Variants in ACBD6 observed in about 807,000 individuals in gnomAD.
ACBD6 encodes the protein acyl-CoA binding domain containing 6.
In ACBD6, 28 loss-of-function variants were observed where a neutral mutation model predicts 37.2. The observed-to-expected ratio is 0.75, with a 90% CI of 0.56 to 1.03. ACBD6 has a LOEUF of 1.03. ACBD6 is among the 50% of genes least tolerant of loss of function. The probability of loss-of-function intolerance (pLI) is 0.00; values close to 1 mark genes in which losing one functional copy is unlikely to be tolerated. For synonymous variants in ACBD6, 113 were observed against 126.8 expected (o/e 0.89, Z 0.73); for missense variants, 340 against 337.4 (o/e 1.01, Z -0.06).
intron 6 of ACBD6, among the ~76,000 whole-genome samples, chr1:180,379,009 C>G (rs1024017695): frequency 1.3e-5 from 2 of 152,164 alleles, no homozygotes; most frequent in Non-Finnish European, 2.9e-5. Context: ...GCCTACAAGT[C>G]AGCCTGCCTG....
chr1:180,274,120 G>A, intron 10 of ACBD6: 5 of 1,596,162 alleles, frequency 3.1e-6, no homozygotes, highest in Non-Finnish European at 4.3e-6. Context: ...TTCCTAGGTT[G>A]TGAAGAGCAG....
chr1:180,495,748 T>C (rs2102097695), intron 1 of ACBD6, among the ~76,000 whole-genome samples: 1 of 152,296 alleles, frequency 6.6e-6, no homozygotes, highest in East Asian at 1.9e-4. Context: ...AAAACAACTA[T>C]TATCTAATAC....
At chr1:180,424,957 G>C (rs1397747077) in intron 4 of ACBD6, among the ~76,000 whole-genome samples, 1 of 152,162 alleles carries the variant, frequency 6.6e-6, no homozygotes, top group Non-Finnish European at 1.5e-5. Flanking sequence ...TACTGTTTAT[G>C]TCAAGACCCA....
chr1:180,314,794 G>A, intron 6 of ACBD6, 72 bp from the exon 7 acceptor site: 1 of 1,189,880 alleles, frequency 8.4e-7, no homozygotes, highest in Non-Finnish European at 1.2e-6. Context: ...ATAAACTGTA[G>A]CAAATTTATC....
At chr1:180,377,189 A>G (rs559152582) in intron 6 of ACBD6, among the ~76,000 whole-genome samples, 3 of 152,350 alleles carry the variant, frequency 2.0e-5, no homozygotes, top group African/African-American at 7.2e-5. Context: ...AGGAAAGGCT[A>G]AACTAAACCC....
In ACBD6 at chr1:180,408,429, A is replaced by C. The variant is rs59378647; in HGVS notation, c.573+4937T>G. Among the ~76,000 whole-genome samples the C allele has an allele frequency of 6.7e-3, 1,015 of 152,266 alleles. 17 individuals are homozygous for C. The highest frequency in any genetic ancestry group is 0.023 in the African/African-American group (969 of 41,534). The stretch of plus-strand genomic sequence containing the variant: ...TAAACTATCGCAAAGACAAAAAATC[A>C]AACACTGCATGTTCTCACTCATAGG... On this transcript the variant is annotated intron_variant, in intron 5 of 7. Transcript: ENST00000367595.
chr1:180,374,594 A>G (rs1490311982), intron 6 of ACBD6, among the ~76,000 whole-genome samples: 1 of 85,126 alleles, frequency 1.2e-5, no homozygotes. Context: ...TGACCTGCCT[A>G]TTCTTAAGTG....
intron 1 of ACBD6, among the ~76,000 whole-genome samples, chr1:180,500,806 TGTG>T (rs907934332): frequency 1.1e-4 from 15 of 131,272 alleles, no homozygotes; most frequent in African/African-American, 4.1e-4. Context: ...GCCTGGGAAA[TGTG>T]GTGAAACCCA....
intron 4 of ACBD6, among the ~76,000 whole-genome samples, chr1:180,414,436 C>T (rs1647992389): frequency 6.6e-6 from 1 of 152,198 alleles, no homozygotes; most frequent in African/African-American, 2.4e-5. Context: ...CCAATCTAAA[C>T]ATCTTGTGTC....
In ACBD6 at chr1:180,435,211, C is replaced by T. The variant is rs180900044; in HGVS notation, c.385-4949G>A. 1.4e-4 allele frequency: 93 copies of T among 685,296 alleles called. No homozygotes were observed. In the African/African-American group the frequency reaches 1.4e-3, roughly 10 times the overall value. The allele number at this position is 685,296 out of a possible 1,614,324, so 42.5% of individuals were successfully genotyped here. A position where few individuals can be genotyped will look rare whatever the true frequency, so the allele number is the denominator to read the frequency against. On this transcript the variant is annotated intron_variant, in intron 3 of 7. Coordinates refer to ENST00000367595, the MANE Select transcript of ACBD6 (RefSeq NM_032360.4). Reference sequence around the variant, plus strand: ...ATCGCTGGCCTTTCCATCTGGGGTACTCTGGTGCTGGGTTACGAGGGCTGG... The same window carrying T: ...ATCGCTGGCCTTTCCATCTGGGGTATTCTGGTGCTGGGTTACGAGGGCTGG...
At chr1:180,372,670 T>TA (rs1653303193) in intron 6 of ACBD6, among the ~76,000 whole-genome samples, 4 of 152,142 alleles carry the variant, frequency 2.6e-5, no homozygotes, top group Non-Finnish European at 5.9e-5. Flanking sequence ...AATGCATCCT[T>TA]AGAGAATGTT....
At chr1:180,314,076 TAC>T (rs1324576423) in intron 7 of ACBD6, among the ~76,000 whole-genome samples, 1 of 152,188 alleles carries the variant, frequency 6.6e-6, no homozygotes, top group Non-Finnish European at 1.5e-5. Context: ...TGCTAGATTT[TAC>T]AGTGACCATG....
At chr1:180,305,839 C>G (rs1278969311) in intron 7 of ACBD6, among the ~76,000 whole-genome samples, 5 of 152,114 alleles carry the variant, frequency 3.3e-5, no homozygotes, top group African/African-American at 1.2e-4. Flanking sequence ...ATAGCAAAGA[C>G]TTGGAACCAA....
intron 6 of ACBD6, among the ~76,000 whole-genome samples, chr1:180,352,167 T>C (rs920132644): frequency 1.3e-5 from 2 of 152,142 alleles, no homozygotes; most frequent in African/African-American, 4.8e-5. Flanking sequence ...TATTGTTTAA[T>C]GAGCACAGAC....
intron 6 of ACBD6, among the ~76,000 whole-genome samples, chr1:180,318,971 T>C (rs1312877424): frequency 6.6e-6 from 1 of 152,230 alleles, no homozygotes; most frequent in Non-Finnish European, 1.5e-5. Context: ...TCTATGCATT[T>C]AAAGAGGTGC....
chr1:180,306,088 G>T (rs1416286849), intron 7 of ACBD6, among the ~76,000 whole-genome samples: 1 of 136,456 alleles, frequency 7.3e-6, no homozygotes, highest in African/African-American at 2.8e-5. Context: ...TCACACCCCG[G>T]GGACTGTTGT....
At chr1:180,320,144 T>C (rs773775131) in intron 6 of ACBD6, among the ~76,000 whole-genome samples, 81 of 152,190 alleles carry the variant, frequency 5.3e-4, no homozygotes, top group Non-Finnish European at 7.6e-4. Context: ...GTTCCCTTTT[T>C]TCCACATCTT....
At chr1:180,325,794 G>A (rs770645593) in intron 6 of ACBD6, among the ~76,000 whole-genome samples, 8 of 152,182 alleles carry the variant, frequency 5.3e-5, no homozygotes, top group Non-Finnish European at 8.8e-5. Context: ...TAGTGACATG[G>A]TAGTCTTGGA....
chr1:180,417,012 T>C (rs528610554), intron 4 of ACBD6, among the ~76,000 whole-genome samples: 2 of 152,278 alleles, frequency 1.3e-5, no homozygotes, highest in South Asian at 4.1e-4. Context: ...TTCTAGTAAA[T>C]AGACAATGAA....
Sources: gnomAD v4.1 joint callset for allele counts (sites outside exome capture counted in the v4.1 genomes callset) on GRCh38, gnomAD v4.1.1 for gene constraint, MANE v1.5 for transcripts, NCBI Gene and HGNC (gene_info 2026-07-23, HGNC 2026-07-21) for gene names.